TNIK: variants seen among roughly 807,000 people sequenced by gnomAD.
The protein encoded by TNIK is TRAF2 and NCK-interacting protein kinase.
Under a neutral mutation model 191.3 loss-of-function variants are expected in TNIK, and 49 were observed. The observed-to-expected ratio is 0.26, with a 90% CI of 0.20 to 0.32. TNIK has a LOEUF of 0.32. Ranked by LOEUF, TNIK falls within the 10% of genes least tolerant of loss-of-function variation. The pLI is 1.00. For missense variants in TNIK, 1,155 were observed against 1,702.3 expected, an observed-to-expected ratio of 0.68 and a Z score of 5.66; for synonymous variants, 594 against 600.9, an observed-to-expected ratio of 0.99 and a Z score of 0.17.
intron 2 of TNIK, among the ~76,000 whole-genome samples, chr3:171,346,361 A>C (rs765925453): frequency 8.5e-5 from 13 of 152,164 alleles, no homozygotes; most frequent in Non-Finnish European, 1.8e-4. Flanking sequence ...TCCATAATTA[A>C]ACATTTTCTG....
At chr3:171,200,127 T>C (rs1384334052) in intron 4 of TNIK, among the ~76,000 whole-genome samples, 1 of 152,216 alleles carries the variant, frequency 6.6e-6, no homozygotes, top group Non-Finnish European at 1.5e-5. Flanking sequence ...GATCTTTTTA[T>C]TTGGAAGGCA....
chr3:171,282,253 G>A (rs1339388791), intron 2 of TNIK, among the ~76,000 whole-genome samples: 1 of 151,822 alleles, frequency 6.6e-6, no homozygotes, highest in East Asian at 1.9e-4. Flanking sequence ...GTATTTATAG[G>A]TCACTGACTT....
chr3:171,290,069 G>A (rs1751510092), intron 2 of TNIK, among the ~76,000 whole-genome samples: 1 of 152,122 alleles, frequency 6.6e-6, no homozygotes, highest in Admixed American at 6.5e-5. Context: ...GATTTTAGTA[G>A]GGTAGGTAAT....
chr3:171,307,831 T>C (rs1333401222), intron 2 of TNIK, among the ~76,000 whole-genome samples: 1 of 152,144 alleles, frequency 6.6e-6, no homozygotes, highest in African/African-American at 2.4e-5. Context: ...TACTATAATG[T>C]TATAAGACTT....
chr3:171,135,301 A>C (rs1729829663), intron 15 of TNIK, among the ~76,000 whole-genome samples: 1 of 152,250 alleles, frequency 6.6e-6, no homozygotes, highest in South Asian at 2.1e-4. Context: ...TACACTGCTG[A>C]TGAGAAGCAT....
chr3:171,390,731 C>CA (rs1719387098), intron 1 of TNIK, among the ~76,000 whole-genome samples: 1 of 152,206 alleles, frequency 6.6e-6, no homozygotes, highest in South Asian at 2.1e-4. Context: ...CTCTGACTGG[C>CA]AGAGAGGGTG....
chr3:171,290,745 T>C (rs1257178157), intron 2 of TNIK, among the ~76,000 whole-genome samples: 1 of 152,178 alleles, frequency 6.6e-6, no homozygotes, highest in African/African-American at 2.4e-5. Context: ...AATGACTGAA[T>C]GTACAGCACT....
At chr3:171,417,994 GAA>G in intron 1 of TNIK, among the ~76,000 whole-genome samples, 1 of 152,278 alleles carries the variant, frequency 6.6e-6, no homozygotes, top group East Asian at 1.9e-4. Context: ...CTGCCTGAGA[GAA>G]AAAGAGATTA....
At chr3:171,129,871 G>A (rs1234697176) in intron 15 of TNIK, among the ~76,000 whole-genome samples, 1 of 152,218 alleles carries the variant, frequency 6.6e-6, no homozygotes, top group Non-Finnish European at 1.5e-5. Context: ...TATGGCTTAA[G>A]ATCTTAGACA....
chr3:171,082,014 T>C lies in TNIK; in HGVS notation c.3313+237A>G, dbSNP rs531680607. ...ACAGAGGTAAAGAGCTATAAATATA[T>C]AGCCTTTGTGGTATGTCTCTGCCTA... On this transcript the variant is annotated intron_variant, in intron 27 of 32. Transcript: ENST00000436636. Among the ~76,000 whole-genome samples, 6 of 152,314 alleles carry C rather than the reference T, an allele frequency of 3.9e-5. No individual in the cohort carries two copies. In the Middle Eastern group the frequency reaches 0.01, roughly 259 times the overall value.
rs376209631 is a variant in TNIK, at chr3:171,443,287, T to C, written c.57+16720A>G. ...TGCTCTGAAAGTCTTGGAGCTCAAT[T>C]GAAAAATCGCAGCACTCCCAAACTC... On this transcript the variant is annotated intron_variant, in intron 1 of 32. Transcript: ENST00000436636. 2.6e-5 allele frequency among the ~76,000 whole-genome samples: 4 copies of C among 152,228 alleles called. No individual in the cohort carries two copies. In the East Asian group the frequency reaches 5.8e-4, roughly 22 times the overall value.
chr3:171,399,593 T>C (rs1720660463), intron 1 of TNIK, among the ~76,000 whole-genome samples: 1 of 152,152 alleles, frequency 6.6e-6, no homozygotes, highest in Non-Finnish European at 1.5e-5. Flanking sequence ...TGCTAGAGAA[T>C]AGTAGGCAAC....
At chr3:171,085,047 A>G (rs45467595) in intron 25 of TNIK, 71 bp downstream of exon 25, 95,220 of 1,252,106 alleles carry the variant, frequency 0.076, 4,050 homozygotes, top group Middle Eastern at 0.095. Flanking sequence ...ACTGAGGATT[A>G]ATTTCCTTAT....
At chr3:171,109,895 C>T (rs536349501) in intron 19 of TNIK, among the ~76,000 whole-genome samples, 1 of 151,750 alleles carries the variant, frequency 6.6e-6, no homozygotes, top group African/African-American at 2.4e-5. Context: ...TAGGAATAAC[C>T]AGAGGAGTCA....
At chr3:171,303,600 T>G (rs1330756393) in intron 2 of TNIK, among the ~76,000 whole-genome samples, 1 of 152,220 alleles carries the variant, frequency 6.6e-6, no homozygotes, top group African/African-American at 2.4e-5. Context: ...ATGCTTGCCC[T>G]TCCATCAAGA....
At chr3:171,265,070 C>A (rs1019279373) in intron 2 of TNIK, among the ~76,000 whole-genome samples, 1 of 152,142 alleles carries the variant, frequency 6.6e-6, no homozygotes, top group Non-Finnish European at 1.5e-5. Context: ...GCTCATTAGG[C>A]ATCTACTAGA....
chr3:171,177,445 G>T, intron 7 of TNIK, 65 bp from the exon 8 acceptor site: 3 of 1,540,480 alleles, frequency 1.9e-6, no homozygotes, highest in Non-Finnish European at 8.8e-7. Flanking sequence ...GTTAAACCTG[G>T]TAATTGCTTC....
rs556051866 is a variant in TNIK at position 171,235,748 on chromosome 3, T to G, written c.124-7527A>C. Reference sequence around the variant, plus strand: ...ATATGTTTTTGTTGTTGTTGTTGTTTTTGTTTTGTTTTGTTTTGGTGGGGG... The same window carrying G: ...ATATGTTTTTGTTGTTGTTGTTGTTGTTGTTTTGTTTTGTTTTGGTGGGGG... On this transcript the variant is annotated intron_variant, in intron 2 of 32. Transcript: ENST00000436636. Among the ~76,000 whole-genome samples, 16 of 131,288 alleles carry G rather than the reference T, an allele frequency of 1.2e-4. 1 individual carries two copies. Among genetic ancestry groups the G allele is most frequent in the East Asian group, 9.3e-4 (4 of 4,312 alleles). 86.1% of individuals were successfully genotyped at this position (131,288 alleles called of 152,430 possible).
intron 2 of TNIK, among the ~76,000 whole-genome samples, chr3:171,326,086 ATG>A (rs1301357809): frequency 1.3e-5 from 2 of 152,170 alleles, no homozygotes; most frequent in Non-Finnish European, 2.9e-5. Flanking sequence ...AGAATTGGAA[ATG>A]TTTCCAATAT....
Sources: allele counts gnomAD v4.1 joint callset (sites outside exome capture counted in the v4.1 genomes callset), GRCh38; gene constraint gnomAD v4.1.1; transcripts MANE v1.5; gene names NCBI Gene and HGNC (gene_info 2026-07-23, HGNC 2026-07-21).